The following ORC4 variants were observed in gnomAD, a reference collection of about 807,000 sequenced individuals.
ORC4 encodes the protein origin recognition complex, subunit 4 homolog.
ORC4 carries 55 observed loss-of-function variants against 63.9 expected under a neutral mutation model. The ratio of observed to expected loss-of-function variants is 0.86; its 90% confidence interval spans 0.69 to 1.08. The LOEUF (loss-of-function observed/expected upper bound fraction) is 1.08. Ranked by LOEUF, ORC4 falls within the 50% of genes least tolerant of loss-of-function variation. The probability of loss-of-function intolerance (pLI) is 0.00; values close to 1 mark genes in which losing one functional copy is unlikely to be tolerated. For missense variants in ORC4, 511 were observed against 504.4 expected, an observed-to-expected ratio of 1.01 and a Z score of -0.13; for synonymous variants, 150 against 168.5, an observed-to-expected ratio of 0.89 and a Z score of 0.85.
chr2:147,941,085 G>T (rs1688339966), intron 10 of ORC4, among the ~76,000 whole-genome samples: 3 of 152,074 alleles, frequency 2.0e-5, no homozygotes, highest in Admixed American at 1.3e-4. Flanking sequence ...TTATACAACA[G>T]AGTAATTTTC....
upstream of ORC4, chr2:148,021,219 CA>C (rs1693700507): frequency 3.9e-6 from 1 of 257,506 alleles, no homozygotes; most frequent in Admixed American, 4.3e-5. Flanking sequence ...ACCTTGAATT[CA>C]GGGGGGTGGG....
chr2:147,973,954 G>A (rs1380608251), intron 2 of ORC4, among the ~76,000 whole-genome samples: 1 of 152,122 alleles, frequency 6.6e-6, no homozygotes, highest in African/African-American at 2.4e-5. Context: ...CATTAAAGTC[G>A]TTCCTTTTTT....
At chr2:147,976,868 G>C (rs1286431346) in intron 1 of ORC4, among the ~76,000 whole-genome samples, 2 of 151,372 alleles carry the variant, frequency 1.3e-5, no homozygotes, top group Non-Finnish European at 2.9e-5. Context: ...TGAATAACTG[G>C]AATGAAAAAA....
At chr2:148,006,870 C>T (rs191747877) in intron 1 of ORC4, among the ~76,000 whole-genome samples, 61 of 152,274 alleles carry the variant, frequency 4.0e-4, no homozygotes, top group African/African-American at 1.4e-3. Context: ...GTGGTGGCTA[C>T]AGGAATGCCT....
intron 1 of ORC4, among the ~76,000 whole-genome samples, chr2:147,987,125 A>G (rs750372970): frequency 6.6e-6 from 1 of 151,600 alleles, no homozygotes; most frequent in Non-Finnish European, 1.5e-5. Context: ...TCAGCCTCCT[A>G]AGTAGCTGGG....
intron 1 of ORC4, among the ~76,000 whole-genome samples, chr2:148,010,964 GA>G (rs1692931072): frequency 6.6e-6 from 1 of 150,914 alleles, no homozygotes; most frequent in Non-Finnish European, 1.5e-5. Flanking sequence ...GATTAGCTGG[GA>G]TTACAGGCAT....
rs114743529 is a variant in ORC4 at position 147,977,811 on chromosome 2, G to T, written c.-17-1836C>A. The stretch of plus-strand genomic sequence containing the variant: ...GTGTGGATGGTTTGGCTTTCTCTGG[G>T]AACCTGGGAGGGCTCCTACTGGATC... On this transcript the variant is annotated intron_variant, in intron 1 of 13. Transcript: ENST00000392857. 1.0e-2 allele frequency among the ~76,000 whole-genome samples: 1,522 copies of T among 152,312 alleles called. 6 individuals carry two copies. The highest frequency in any genetic ancestry group is 0.014 in the Non-Finnish European group (944 of 68,026).
intron 4 of ORC4, among the ~76,000 whole-genome samples, chr2:147,969,837 G>C (rs1263199142): frequency 6.6e-6 from 1 of 151,910 alleles, no homozygotes; most frequent in East Asian, 1.9e-4. Flanking sequence ...ATGATTAACT[G>C]TTAGACATAG....
Position 147,948,102 on chromosome 2 carries a change from A to G in ORC4, c.711T>C (p.Pro237=). 3.7e-6 allele frequency: 6 copies of G among 1,611,836 alleles called. No homozygotes were observed. Among genetic ancestry groups the G allele is most frequent in the Non-Finnish European group, 5.1e-6 (6 of 1,178,204 alleles). The part of the protein sequence containing the change: ...VKIFKEQLSL[P]AEFPDKVFAE... Reference sequence around the variant, plus strand: ...CAAAAACCTTGTCTGGAAACTCTGCAGGTAGAGATAACTGTTCTTTAAATA... The same window carrying G: ...CAAAAACCTTGTCTGGAAACTCTGCGGGTAGAGATAACTGTTCTTTAAATA... Residue 237 remains proline (P), a synonymous_variant, in exon 9 of 14, where the codon CCT becomes CCC. Coordinates refer to ENST00000392857, the MANE Select transcript of ORC4 (RefSeq NM_181741.4).
chr2:147,991,352 A>G (rs1691594599), intron 1 of ORC4, among the ~76,000 whole-genome samples: 1 of 151,996 alleles, frequency 6.6e-6, no homozygotes, highest in Non-Finnish European at 1.5e-5. Context: ...CCCCATACAT[A>G]TATATCTTTT....
chr2:148,000,333 T>C (rs1692223693), intron 1 of ORC4, among the ~76,000 whole-genome samples: 1 of 152,052 alleles, frequency 6.6e-6, no homozygotes, highest in Admixed American at 6.6e-5. Flanking sequence ...CAAAATGAGA[T>C]CGTATAATCT....
intron 1 of ORC4, among the ~76,000 whole-genome samples, chr2:148,013,945 A>T (rs554964908): frequency 6.0e-4 from 92 of 152,300 alleles, no homozygotes; most frequent in Non-Finnish European, 8.5e-4. Flanking sequence ...CCAGAAACAA[A>T]CCATACACCA....
chr2:148,011,563 G>A (rs935252684), intron 1 of ORC4, among the ~76,000 whole-genome samples: 2 of 152,166 alleles, frequency 1.3e-5, no homozygotes, highest in South Asian at 2.1e-4. Context: ...GGATCTAGAA[G>A]AAGGATGGGC....
chr2:147,958,203 A>C (rs868653748), intron 6 of ORC4, 95 bp downstream of exon 6: 12 of 747,468 alleles, frequency 1.6e-5, no homozygotes, highest in African/African-American at 1.6e-4. Flanking sequence ...GAATTTCTGA[A>C]CCTCTCCCTA....
At chr2:148,017,284 A>G (rs1693360136) in intron 1 of ORC4, among the ~76,000 whole-genome samples, 1 of 152,260 alleles carries the variant, frequency 6.6e-6, no homozygotes, top group Non-Finnish European at 1.5e-5. Context: ...CATTGTTTTC[A>G]TACTGTCTTT....
chr2:148,011,961 T>C (rs577765575), intron 1 of ORC4, among the ~76,000 whole-genome samples: 3 of 151,546 alleles, frequency 2.0e-5, no homozygotes, highest in Non-Finnish European at 2.9e-5. Context: ...CACAAACAAA[T>C]GAAAAGACAT....
intron 10 of ORC4, among the ~76,000 whole-genome samples, chr2:147,940,098 G>A (rs1688278634): frequency 6.6e-6 from 1 of 152,056 alleles, no homozygotes; most frequent in South Asian, 2.1e-4. Context: ...TTCTCCTACT[G>A]GTTGGGACCT....
intron 1 of ORC4, among the ~76,000 whole-genome samples, chr2:147,981,179 G>A (rs1157148410): frequency 6.6e-6 from 1 of 152,176 alleles, no homozygotes; most frequent in Non-Finnish European, 1.5e-5. Flanking sequence ...CATGGGAGAT[G>A]AATTCCAAGG....
chr2:147,944,317 A>T (rs1190475261), intron 9 of ORC4, among the ~76,000 whole-genome samples: 1 of 152,104 alleles, frequency 6.6e-6, no homozygotes, highest in African/African-American at 2.4e-5. Flanking sequence ...AGTAGGTGGG[A>T]AAAGAGAAAA....
Sources: allele counts gnomAD v4.1 joint callset (sites outside exome capture counted in the v4.1 genomes callset), GRCh38; gene constraint gnomAD v4.1.1; transcripts MANE v1.5; gene names NCBI Gene and HGNC (gene_info 2026-07-23, HGNC 2026-07-21).